KCND2: variants seen among roughly 807,000 people sequenced by gnomAD.
KCND2 encodes the protein potassium voltage-gated channel subfamily D member 2, also known as A-type voltage-gated potassium channel KCND2.
A neutral mutation model predicts 54.4 loss-of-function variants in KCND2; 16 were observed. The ratio of observed to expected loss-of-function variants is 0.29; its 90% CI spans 0.20 to 0.45. The LOEUF is 0.45. Ranked by LOEUF, KCND2 falls within the 20% of genes least tolerant of loss-of-function variation. The probability of loss-of-function intolerance (pLI) is 1.00; values close to 1 mark genes in which losing one functional copy is unlikely to be tolerated. For synonymous variants in KCND2, 317 were observed against 310.7 expected, an observed-to-expected ratio of 1.02 and a Z score of -0.21; for missense variants, 486 against 824.2, an observed-to-expected ratio of 0.59 and a Z score of 5.02.
chr7:120,323,733 A>G (rs1442714479), intron 1 of KCND2, among the ~76,000 whole-genome samples: 7 of 136,054 alleles, frequency 5.1e-5, no homozygotes, highest in African/African-American at 8.7e-5. Flanking sequence ...AGTCTTTGCT[A>G]TTGTGAATAA....
chr7:120,741,478 T>A, intron 2 of KCND2, 56 bp from the exon 3 acceptor site: 1 of 1,182,746 alleles, frequency 8.5e-7, no homozygotes, highest in Non-Finnish European at 1.3e-6. Context: ...GTTCATTCAC[T>A]GTTTTAAGGA....
At chr7:120,694,045 G>C (rs1384634791) in intron 1 of KCND2, among the ~76,000 whole-genome samples, 1 of 152,184 alleles carries the variant, frequency 6.6e-6, no homozygotes, top group Non-Finnish European at 1.5e-5. Flanking sequence ...AGTCAGCTGT[G>C]ATTGCACCAC....
intron 1 of KCND2, among the ~76,000 whole-genome samples, chr7:120,635,619 TG>T (rs1379270330): frequency 6.6e-6 from 1 of 152,332 alleles, no homozygotes; most frequent in Middle Eastern, 3.4e-3. Flanking sequence ...TCCTAAGGAA[TG>T]TTTCCATCTT....
intron 1 of KCND2, among the ~76,000 whole-genome samples, chr7:120,487,457 A>C (rs1267103327): frequency 2.0e-5 from 3 of 152,204 alleles, no homozygotes; most frequent in Non-Finnish European, 4.4e-5. Context: ...AGACACAGAG[A>C]GATGGAGGGA....
chr7:120,696,584 G>C (rs1792335586), intron 1 of KCND2, among the ~76,000 whole-genome samples: 1 of 152,216 alleles, frequency 6.6e-6, no homozygotes, highest in Non-Finnish European at 1.5e-5. Context: ...AGTGTTGGGA[G>C]GTGGGGCCTA....
chr7:120,347,129 T>C (rs1800330855), intron 1 of KCND2, among the ~76,000 whole-genome samples: 1 of 152,194 alleles, frequency 6.6e-6, no homozygotes, highest in African/African-American at 2.4e-5. Context: ...AAGTTACTTC[T>C]AAAAGGGTTT....
Position 120,273,650 on chromosome 7 carries a change from C to T in KCND2, c.-983C>T, listed in dbSNP as rs1437767628. Reference sequence around the variant, plus strand: ...AGCTCGCTTGAGCTTTATTTATGCTCTCTCGGCGCATCGGATTCGGCTGCT... The same window carrying T: ...AGCTCGCTTGAGCTTTATTTATGCTTTCTCGGCGCATCGGATTCGGCTGCT... On this transcript the variant is annotated 5_prime_UTR_variant, in exon 1 of 6. Transcript: ENST00000331113. 1 of 152,578 alleles carries T rather than the reference C, an allele frequency of 6.6e-6. No individual in the cohort carries two copies. The highest frequency in any genetic ancestry group is 1.5e-5 in the Non-Finnish European group (1 of 68,098). The allele number at this position is 152,578 out of a possible 1,614,324, so 9.5% of individuals were successfully genotyped here.
intron 1 of KCND2, among the ~76,000 whole-genome samples, chr7:120,511,131 A>G (rs1430844926): frequency 6.6e-6 from 1 of 151,742 alleles, no homozygotes; most frequent in Non-Finnish European, 1.5e-5. Context: ...CATGAACACT[A>G]CAAGTTTGTT....
intron 1 of KCND2, among the ~76,000 whole-genome samples, chr7:120,569,298 A>T (rs909115870): frequency 2.6e-4 from 39 of 152,194 alleles, no homozygotes; most frequent in African/African-American, 8.7e-4. Context: ...AATACCTTCC[A>T]CTGGAGTATT....
At chr7:120,577,371 C>T (rs2116436356) in intron 1 of KCND2, among the ~76,000 whole-genome samples, 1 of 152,152 alleles carries the variant, frequency 6.6e-6, no homozygotes, top group Non-Finnish European at 1.5e-5. Context: ...TTATTCATAA[C>T]TTGCTATGAA....
At chr7:120,505,614 T>C (rs953930034) in intron 1 of KCND2, among the ~76,000 whole-genome samples, 6 of 151,788 alleles carry the variant, frequency 4.0e-5, no homozygotes, top group Non-Finnish European at 8.8e-5. Flanking sequence ...ATATGATCTC[T>C]TGCCCATGGA....
chr7:120,359,855 G>A (rs1022848260), intron 1 of KCND2, among the ~76,000 whole-genome samples: 2 of 151,954 alleles, frequency 1.3e-5, no homozygotes, highest in African/African-American at 4.8e-5. Flanking sequence ...GAGATCTGAG[G>A]GTTTTATAAG....
chr7:120,688,294 C>T (rs1212072650), intron 1 of KCND2, among the ~76,000 whole-genome samples: 1 of 152,152 alleles, frequency 6.6e-6, no homozygotes, highest in Non-Finnish European at 1.5e-5. Flanking sequence ...GTCAAAACCA[C>T]TCAGCTCTGC....
intron 1 of KCND2, among the ~76,000 whole-genome samples, chr7:120,571,683 T>A (rs935017913): frequency 6.6e-6 from 1 of 152,222 alleles, no homozygotes; most frequent in African/African-American, 2.4e-5. Flanking sequence ...TAACTCTTTC[T>A]TAATGAAGCA....
At chr7:120,343,689 G>C (rs1478273027) in intron 1 of KCND2, among the ~76,000 whole-genome samples, 3 of 152,136 alleles carry the variant, frequency 2.0e-5, no homozygotes, top group Non-Finnish European at 4.4e-5. Flanking sequence ...TAAGCCATAA[G>C]TAAAATCATG....
At chr7:120,409,189 T>A (rs1446843131) in intron 1 of KCND2, among the ~76,000 whole-genome samples, 1 of 151,998 alleles carries the variant, frequency 6.6e-6, no homozygotes, top group Non-Finnish European at 1.5e-5. Flanking sequence ...AGATCTTAGT[T>A]GGCTTTATAG....
At chr7:120,331,529 C>G (rs2116348185) in intron 1 of KCND2, among the ~76,000 whole-genome samples, 1 of 151,948 alleles carries the variant, frequency 6.6e-6, no homozygotes, top group Middle Eastern at 3.4e-3. Context: ...GAGAAAAGAA[C>G]TTGTGCATGC....
At chr7:120,729,393 G>A (rs1339441470) in intron 1 of KCND2, among the ~76,000 whole-genome samples, 1 of 152,070 alleles carries the variant, frequency 6.6e-6, no homozygotes, top group African/African-American at 2.4e-5. Flanking sequence ...AAGGGAGCAG[G>A]GAGAAGGATA....
chr7:120,376,286 G>A (rs976540926), intron 1 of KCND2, among the ~76,000 whole-genome samples: 2 of 151,548 alleles, frequency 1.3e-5, no homozygotes, highest in Non-Finnish European at 3.0e-5. Flanking sequence ...TGGAGGAAAG[G>A]CATGGTTATA....
Sources: allele counts gnomAD v4.1 joint callset (sites outside exome capture counted in the v4.1 genomes callset), GRCh38; gene constraint gnomAD v4.1.1; transcripts MANE v1.5; gene names NCBI Gene and HGNC (gene_info 2026-07-23, HGNC 2026-07-21).